The following PRDX3 variants were observed in gnomAD, a reference collection of about 807,000 sequenced individuals.
PRDX3 encodes the protein thioredoxin-dependent peroxide reductase, mitochondrial.
A neutral mutation model predicts 30.4 loss-of-function variants in PRDX3; 20 were observed. The observed-to-expected ratio is 0.66, with a 90% CI of 0.46 to 0.96. The LOEUF is 0.96. PRDX3 is among the 40% of genes least tolerant of loss of function. The probability of loss-of-function intolerance (pLI) is 0.00; values close to 1 mark genes in which losing one functional copy is unlikely to be tolerated. For missense variants in PRDX3, 322 were observed against 318.3 expected (o/e 1.01, Z -0.09); for synonymous variants, 124 against 117.8 (o/e 1.05, Z -0.34).
chr10:119,177,235 C>T (rs1325113666), intron 1 of PRDX3, 82 bp from the exon 2 acceptor site: 2 of 1,452,328 alleles, frequency 1.4e-6, no homozygotes, highest in Non-Finnish European at 1.9e-6. Flanking sequence ...ACGGTGGTTT[C>T]AGCTGTCCCT....
intron 6 of PRDX3, 22 bp from the exon 7 acceptor site, chr10:119,168,555 T>G (rs1225758607): frequency 6.2e-7 from 1 of 1,612,856 alleles, no homozygotes; most frequent in Non-Finnish European, 8.5e-7. Flanking sequence ...AAAGCTTAAT[T>G]AGGTAACTGT....
intron 2 of PRDX3, among the ~76,000 whole-genome samples, chr10:119,175,946 T>C (rs1469279225): frequency 6.6e-6 from 1 of 151,526 alleles, no homozygotes; most frequent in East Asian, 1.9e-4. Flanking sequence ...ACCCGGCTTA[T>C]TTTTTTTAAG....
chr10:119,173,668 G>C lies in PRDX3; in HGVS notation c.447+69C>G. 3 of 1,520,322 alleles carry C rather than the reference G, an allele frequency of 2.0e-6. No homozygotes were observed. In the South Asian group the frequency reaches 3.6e-5, roughly 18 times the overall value. The allele number at this position is 1,520,322 out of a possible 1,614,324, so 94.2% of individuals were successfully genotyped here. A position where few individuals can be genotyped will look rare whatever the true frequency, so the allele number is the denominator to read the frequency against. On this transcript the variant is annotated intron_variant, in intron 4 of 6. Coordinates refer to ENST00000298510, the MANE Select transcript of PRDX3 (RefSeq NM_006793.5). ...GTAATTTGATCTTGATAGTCCAGCA[G>C]CATAGCTAGAAATTTAGATTCTTCC...
intron 4 of PRDX3, among the ~76,000 whole-genome samples, chr10:119,173,316 A>T (rs1006194109): frequency 2.6e-5 from 4 of 152,194 alleles, no homozygotes; most frequent in African/African-American, 9.6e-5. Context: ...AATAAAAAAA[A>T]TACCTTGAGT....
intron 4 of PRDX3, among the ~76,000 whole-genome samples, chr10:119,173,470 G>C (rs1025163445): frequency 1.3e-5 from 2 of 152,018 alleles, no homozygotes; most frequent in African/African-American, 4.8e-5. Flanking sequence ...TTAGCCAGGG[G>C]TGGTGACACA....
intron 2 of PRDX3, among the ~76,000 whole-genome samples, chr10:119,175,921 G>A (rs1373412806): frequency 1.3e-5 from 2 of 151,872 alleles, no homozygotes; most frequent in Non-Finnish European, 2.9e-5. Flanking sequence ...TGGGATTCCA[G>A]TAGCACACCA....
chr10:119,169,144 T>C lies in PRDX3; in HGVS notation c.717+33A>G, dbSNP rs112083433. The C allele has an allele frequency of 2.5e-4, 401 of 1,597,460 alleles. No homozygotes were observed. The African/African-American group carries it at 4.6e-3, about 18-fold the overall frequency. On this transcript the variant is annotated intron_variant, in intron 6 of 6. Transcript: ENST00000298510. ...AATAGCTCTCGAGGCTGAGAGAACA[T>C]GGACCTCACTGCTTTTGGGGAAAAA...
At chr10:119,174,725 A>G (rs1199252514) in intron 2 of PRDX3, 133 bp from the exon 3 acceptor site, 2 of 894,550 alleles carry the variant, frequency 2.2e-6, no homozygotes, top group Non-Finnish European at 3.2e-6. Flanking sequence ...GTTCAACTGT[A>G]CATCTTAGGC....
At chr10:119,177,735 C>CCTGCACTCAG (rs34523516) in intron 1 of PRDX3, among the ~76,000 whole-genome samples, 20,008 of 151,352 alleles carry the variant, frequency 0.13, 1,552 homozygotes, top group African/African-American at 0.19. Context: ...CAGGCTTTTC[C>CCTGCACTCAG]CAGCACTATC....
At chr10:119,168,794 G>A (rs556969964) in intron 6 of PRDX3, among the ~76,000 whole-genome samples, 1 of 152,084 alleles carries the variant, frequency 6.6e-6, no homozygotes, top group Admixed American at 6.6e-5. Flanking sequence ...TGGCTAACAC[G>A]GTGAAACCCC....
intron 5 of PRDX3, 57 bp downstream of exon 5, chr10:119,172,325 G>A: frequency 7.2e-7 from 1 of 1,397,202 alleles, no homozygotes; most frequent in Non-Finnish European, 1.0e-6. Context: ...CCCCTAAGAA[G>A]CAGAATGATA....
chr10:119,171,594 T>G (rs903307979), intron 5 of PRDX3, among the ~76,000 whole-genome samples: 1 of 152,208 alleles, frequency 6.6e-6, no homozygotes, highest in Non-Finnish European at 1.5e-5. Context: ...AATAAGGGAC[T>G]GAATACAGAT....
In PRDX3 at chr10:119,168,252, T is replaced by C. The variant is rs1040400911; in HGVS notation, c.*228A>G. On this transcript the variant is annotated 3_prime_UTR_variant, in exon 7 of 7. Transcript: ENST00000298510. ...CAAATTATGTTCTGTAGAAACTAGC[T>C]AGCCAGCCACCAAGATGTTACCAAT... 1.3e-5 allele frequency: 11 copies of C among 817,014 alleles called. No homozygotes were observed. Among genetic ancestry groups the C allele is most frequent in the Non-Finnish European group, 2.0e-5 (11 of 562,016 alleles). The allele number at this position is 817,014 out of a possible 1,614,324, so 50.6% of individuals were successfully genotyped here.
At position 119,177,142 on chromosome 10, in the gene PRDX3, A is replaced by G; in HGVS notation, c.48T>C (p.His16=). 1 of 1,613,178 alleles carries G rather than the reference A, an allele frequency of 6.2e-7. No homozygotes were observed. Among genetic ancestry groups the G allele is most frequent in the East Asian group, 2.2e-5 (1 of 44,892 alleles). The change falls in exon 2 of 7, where the codon CAT becomes CAC. Residue 16 remains histidine, a synonymous_variant. Transcript: ENST00000298510. ...GRLLRASVAR[H]VSAIPWGISA... ...AAATGCCCCAAGGAATGGCACTCAC[A>G]TGTCGGGCAACCTGGAAAGAGAAAC... is the stretch of plus-strand genomic sequence containing the variant.
chr10:119,178,263 GC>G (rs1254032257), intron 1 of PRDX3, among the ~76,000 whole-genome samples: 1 of 152,202 alleles, frequency 6.6e-6, no homozygotes, highest in Non-Finnish European at 1.5e-5. Context: ...ACGACGCATT[GC>G]CCACAGTTAA....
chr10:119,171,665 C>T (rs1179952688), intron 5 of PRDX3, among the ~76,000 whole-genome samples: 1 of 152,220 alleles, frequency 6.6e-6, no homozygotes, highest in Non-Finnish European at 1.5e-5. Context: ...GCTAAAAACT[C>T]TAGCTGTGTC....
intron 1 of PRDX3, 146 bp downstream of exon 1, chr10:119,178,608 GA>G: frequency 4.9e-6 from 5 of 1,020,906 alleles, no homozygotes; most frequent in Non-Finnish European, 7.5e-6. Context: ...AACCTTCCCG[GA>G]GGGAGGCCTC....
chr10:119,169,027 CA>C, intron 6 of PRDX3, 149 bp downstream of exon 6: 1 of 814,540 alleles, frequency 1.2e-6, no homozygotes, highest in Non-Finnish European at 1.9e-6. Flanking sequence ...CTCCCCACCC[CA>C]CCCCCTCTAC....
At chr10:119,174,964 A>G (rs1306602864) in intron 2 of PRDX3, among the ~76,000 whole-genome samples, 2 of 152,198 alleles carry the variant, frequency 1.3e-5, no homozygotes, top group East Asian at 3.8e-4. Context: ...CTTTGTGTTC[A>G]GTATAGACAC....
Sources: allele counts gnomAD v4.1 joint callset (sites outside exome capture counted in the v4.1 genomes callset), GRCh38; gene constraint gnomAD v4.1.1; transcripts MANE v1.5; gene names NCBI Gene and HGNC (gene_info 2026-07-23, HGNC 2026-07-21).